MAPKAP1: variants seen among roughly 807,000 people sequenced by gnomAD.
The protein encoded by MAPKAP1 is MAPK associated protein 1.
Under a neutral mutation model 65.7 loss-of-function variants are expected in MAPKAP1, and 20 were observed. That is an observed-to-expected ratio of 0.30 (90% CI 0.21 to 0.44). The LOEUF (loss-of-function observed/expected upper bound fraction) is 0.44, where lower values mean the gene tolerates loss of function less well. Among genes scored for constraint, MAPKAP1 ranks in the 20% least tolerant of loss-of-function variants. MAPKAP1 has a pLI of 1.00. For missense variants in MAPKAP1, 423 were observed against 648.0 expected, an observed-to-expected ratio of 0.65 and a Z score of 3.77; for synonymous variants, 222 against 244.3, an observed-to-expected ratio of 0.91 and a Z score of 0.85.
At chr9:125,500,796 A>AT (rs1244297444) in intron 8 of MAPKAP1, among the ~76,000 whole-genome samples, 1 of 152,234 alleles carries the variant, frequency 6.6e-6, no homozygotes, top group African/African-American at 2.4e-5. Context: ...ACACCACTTT[A>AT]TTTGTATAAC....
intron 4 of MAPKAP1, among the ~76,000 whole-genome samples, chr9:125,603,078 CTTTT>C (rs35247956): frequency 0.041 from 3,514 of 85,142 alleles, 57 homozygotes; most frequent in African/African-American, 0.058. Context: ...TTCTTTCTTT[CTTTT>C]TTTTTTATAG....
chr9:125,625,943 T>G (rs1833106054), intron 4 of MAPKAP1, among the ~76,000 whole-genome samples: 1 of 152,218 alleles, frequency 6.6e-6, no homozygotes, highest in Non-Finnish European at 1.5e-5. Context: ...TCCAATTATA[T>G]GGCAAGAAAG....
Position 125,447,969 on chromosome 9 carries a change from CAGGTGGG to C in MAPKAP1, c.1346-3378_1346-3372del, listed in dbSNP as rs919147472. Among the ~76,000 whole-genome samples, 1 of 152,076 alleles carries C rather than the reference CAGGTGGG, an allele frequency of 6.6e-6. No homozygotes were observed. Among genetic ancestry groups the C allele is most frequent in the Non-Finnish European group, 1.5e-5 (1 of 68,010 alleles). Reference sequence around the variant, plus strand: ...GCAAACCAGGGTCATGTGTGGCAGGCAGGTGGGAGGGAGAGGGACACAAAGGGCTGAG... The same window carrying C: ...GCAAACCAGGGTCATGTGTGGCAGGCAGGGAGAGGGACACAAAGGGCTGAG... On this transcript the variant is annotated intron_variant, in intron 10 of 11. Transcript: ENST00000265960. This position sits in a 1 kb window ranked among gnomAD's most constrained non-coding sequence, Gnocchi z 4.5.
intron 4 of MAPKAP1, among the ~76,000 whole-genome samples, chr9:125,625,246 ATAAATAAAT>A (rs1252853104): frequency 1.2e-4 from 5 of 40,654 alleles, no homozygotes; most frequent in Admixed American, 3.5e-4. Context: ...TAAAAAAAAA[ATAAATAAAT>A]AAAAAAAAAA....
chr9:125,481,719 G>A (rs1854324235), intron 9 of MAPKAP1, among the ~76,000 whole-genome samples: 1 of 151,894 alleles, frequency 6.6e-6, no homozygotes, highest in South Asian at 2.1e-4. Context: ...ATGGCACCCA[G>A]CCTACTTATT....
intron 4 of MAPKAP1, among the ~76,000 whole-genome samples, chr9:125,592,907 A>T (rs1832010493): frequency 6.6e-6 from 1 of 151,010 alleles, no homozygotes; most frequent in African/African-American, 2.4e-5. Context: ...CGTCTCAAAA[A>T]AAAAAAAAAA....
chr9:125,484,631 C>G (rs781442485), intron 8 of MAPKAP1, 48 bp from the exon 9 acceptor site: 1 of 1,543,350 alleles, frequency 6.5e-7, no homozygotes, highest in Non-Finnish European at 8.8e-7. Context: ...TGAGGCTTGG[C>G]AAATGGTGTC....
At chr9:125,691,804 A>G (rs1835178986) in intron 1 of MAPKAP1, among the ~76,000 whole-genome samples, 1 of 152,234 alleles carries the variant, frequency 6.6e-6, no homozygotes, top group African/African-American at 2.4e-5. Flanking sequence ...CCTAGTAAGA[A>G]GTTCACTGCT....
intron 10 of MAPKAP1, among the ~76,000 whole-genome samples, chr9:125,460,657 C>CT (rs1162684999): frequency 3.9e-5 from 6 of 152,058 alleles, no homozygotes; most frequent in Non-Finnish European, 8.8e-5. Context: ...ATCAAAACAC[C>CT]TTTTTTATAG....
intron 1 of MAPKAP1, among the ~76,000 whole-genome samples, chr9:125,687,475 T>C (rs1183648092): frequency 6.6e-6 from 1 of 152,080 alleles, no homozygotes; most frequent in African/African-American, 2.4e-5. Flanking sequence ...ACAGTGATGC[T>C]GCTATAAAAC....
intron 7 of MAPKAP1, among the ~76,000 whole-genome samples, chr9:125,525,706 CAA>C (rs72340047): frequency 5.9e-5 from 6 of 100,902 alleles, no homozygotes; most frequent in Non-Finnish European, 7.5e-5. Flanking sequence ...CAAAAACAAA[CAA>C]AAAAAAAAAA....
intron 6 of MAPKAP1, among the ~76,000 whole-genome samples, chr9:125,549,817 C>T (rs1830534201): frequency 6.6e-6 from 1 of 152,194 alleles, no homozygotes; most frequent in Non-Finnish European, 1.5e-5. Context: ...CTAATGGCTT[C>T]ATTTCGACCC....
chr9:125,538,084 T>C (rs999964315), intron 7 of MAPKAP1, among the ~76,000 whole-genome samples: 12 of 152,356 alleles, frequency 7.9e-5, no homozygotes, highest in African/African-American at 2.9e-4. Context: ...ATGTCTCTTA[T>C]CCTCTTTGGG....
intron 4 of MAPKAP1, among the ~76,000 whole-genome samples, chr9:125,604,744 C>CT (rs1284545558): frequency 1.3e-5 from 2 of 152,202 alleles, no homozygotes; most frequent in Non-Finnish European, 2.9e-5. Context: ...CGTACTCGTG[C>CT]TTGTGTGTAC....
At chr9:125,491,173 G>T (rs1854705663) in intron 8 of MAPKAP1, among the ~76,000 whole-genome samples, 1 of 151,316 alleles carries the variant, frequency 6.6e-6, no homozygotes, top group Non-Finnish European at 1.5e-5. Flanking sequence ...GCCAGGTGCG[G>T]TGGCTTATGA....
intron 4 of MAPKAP1, among the ~76,000 whole-genome samples, chr9:125,614,834 A>T (rs1255423918): frequency 1.3e-5 from 2 of 152,208 alleles, no homozygotes. Context: ...TAAATGGTGA[A>T]ATATTGGAAA....
At chr9:125,570,195 G>C (rs771202846) in intron 5 of MAPKAP1, among the ~76,000 whole-genome samples, 1 of 152,028 alleles carries the variant, frequency 6.6e-6, no homozygotes, top group Admixed American at 6.5e-5. Flanking sequence ...GTAAATTCTT[G>C]TCCTAAAGTA....
chr9:125,703,216 C>T (rs1017670386), intron 1 of MAPKAP1, among the ~76,000 whole-genome samples: 6 of 152,118 alleles, frequency 3.9e-5, no homozygotes, highest in African/African-American at 1.4e-4. Flanking sequence ...CATCCTAGTA[C>T]ATAACAGGCA....
chr9:125,466,862 T>C (rs560762128), intron 10 of MAPKAP1, among the ~76,000 whole-genome samples: 3 of 152,262 alleles, frequency 2.0e-5, no homozygotes, highest in African/African-American at 7.2e-5. Flanking sequence ...CACCCACCCA[T>C]AAATGAAGCA....
Sources: gnomAD v4.1 joint callset for allele counts (sites outside exome capture counted in the v4.1 genomes callset) on GRCh38, gnomAD v4.1.1 for gene constraint, Gnocchi (gnomAD v3.1) non-coding constraint, MANE v1.5 for transcripts, NCBI Gene and HGNC (gene_info 2026-07-23, HGNC 2026-07-21) for gene names.